Variants in ARHGAP32 observed in about 807,000 individuals in gnomAD.
The protein encoded by ARHGAP32 is Rho GTPase activating protein 32.
In ARHGAP32, 51 loss-of-function variants were observed where a neutral mutation model predicts 186.5. That is an observed-to-expected ratio of 0.27 (90% confidence interval 0.22 to 0.35). The LOEUF (loss-of-function observed/expected upper bound fraction) is 0.35. ARHGAP32 is among the 10% of genes least tolerant of loss of function. The pLI is 1.00. For missense variants in ARHGAP32, 2,186 were observed against 2,623.5 expected, an observed-to-expected ratio of 0.83 and a Z score of 3.64; for synonymous variants, 950 against 964.3, an observed-to-expected ratio of 0.99 and a Z score of 0.27.
At chr11:129,276,369 T>G (rs1421413702) in intron 1 of ARHGAP32, among the ~76,000 whole-genome samples, 1 of 152,204 alleles carries the variant, frequency 6.6e-6, no homozygotes, top group Non-Finnish European at 1.5e-5. Context: ...GGCACAATGA[T>G]AGCTCACTGT....
intron 2 of ARHGAP32, among the ~76,000 whole-genome samples, chr11:129,149,193 C>T (rs1432484303): frequency 6.6e-6 from 1 of 152,142 alleles, no homozygotes; most frequent in Non-Finnish European, 1.5e-5. Flanking sequence ...CTACTTGGGC[C>T]ATAACAGCAA....
chr11:129,105,952 T>TA (rs1014518567), intron 5 of ARHGAP32, among the ~76,000 whole-genome samples: 136 of 152,084 alleles, frequency 8.9e-4, no homozygotes, highest in African/African-American at 3.0e-3. Flanking sequence ...TATAAAGTAT[T>TA]AAAAAAACAA....
intron 11 of ARHGAP32, among the ~76,000 whole-genome samples, chr11:129,002,599 T>C (rs978228925): frequency 2.6e-5 from 4 of 152,268 alleles, no homozygotes; most frequent in African/African-American, 7.2e-5. Flanking sequence ...TCTTTTCTGA[T>C]TGCTCTAGCC....
intron 11 of ARHGAP32, among the ~76,000 whole-genome samples, chr11:129,005,093 A>AT (rs965053704): frequency 6.6e-6 from 1 of 152,098 alleles, no homozygotes; most frequent in Non-Finnish European, 1.5e-5. Flanking sequence ...CCTTATACTC[A>AT]TTTTTAAGCT....
chr11:129,255,882 C>T (rs1945247929), intron 1 of ARHGAP32, among the ~76,000 whole-genome samples: 1 of 151,990 alleles, frequency 6.6e-6, no homozygotes, highest in African/African-American at 2.4e-5. Flanking sequence ...CGTATGTTTA[C>T]CAAAAGATAT....
chr11:129,052,346 A>G (rs1454941498), intron 10 of ARHGAP32, among the ~76,000 whole-genome samples: 3 of 152,122 alleles, frequency 2.0e-5, no homozygotes, highest in African/African-American at 7.2e-5. Context: ...TAGTTCTCCA[A>G]CTTTGTTCTT....
At chr11:129,029,588 G>C (rs947568261) in intron 11 of ARHGAP32, among the ~76,000 whole-genome samples, 1 of 152,040 alleles carries the variant, frequency 6.6e-6, no homozygotes, top group Admixed American at 6.5e-5. Context: ...TGGATCATGA[G>C]GTCAGGAGAT....
rs1938517963 is a variant in ARHGAP32 at position 129,019,776 on chromosome 11, C to A, written c.1045+21152G>T. On this transcript the variant is annotated intron_variant, in intron 11 of 22. Coordinates refer to ENST00000682385, the MANE Select transcript of ARHGAP32 (RefSeq NM_001378024.1). ...AAAAATACATCCTTGAACCAATGAC[C>A]TAGTCATTGAAAGCTTTTATTGTTT... Among the ~76,000 whole-genome samples the A allele has an allele frequency of 1.3e-5, 2 of 151,972 alleles. 1 individual carries two copies. The highest frequency in any genetic ancestry group is 4.1e-4 in the South Asian group (2 of 4,824).
chr11:129,120,017 A>T (rs1446691861), intron 5 of ARHGAP32, among the ~76,000 whole-genome samples: 1 of 152,124 alleles, frequency 6.6e-6, no homozygotes, highest in Non-Finnish European at 1.5e-5. Context: ...GAGAGTTTTT[A>T]AAAAGTGACA....
intron 2 of ARHGAP32, among the ~76,000 whole-genome samples, chr11:129,132,126 A>G (rs1025080824): frequency 3.3e-5 from 5 of 152,032 alleles, no homozygotes; most frequent in African/African-American, 9.7e-5. Flanking sequence ...CATCTTTCTC[A>G]CGAAAGAAAA....
At chr11:129,052,168 C>G (rs2135086772) in intron 10 of ARHGAP32, among the ~76,000 whole-genome samples, 1 of 152,270 alleles carries the variant, frequency 6.6e-6, no homozygotes, top group East Asian at 1.9e-4. Context: ...TACATCTCTT[C>G]ACTGAACTGA....
chr11:129,064,031 CA>C lies in ARHGAP32; in HGVS notation c.763-8del. 6.2e-7 allele frequency: 1 copy of C among 1,600,674 alleles called. No homozygotes were observed. The highest frequency in any genetic ancestry group is 8.5e-7 in the Non-Finnish European group (1 of 1,175,108). Reference sequence around the variant, plus strand: ...GATTTCCCTTATTATCAATCTATCACAAAGAAAATGTACTATGAGATAAAGA... The same window carrying C: ...GATTTCCCTTATTATCAATCTATCACAAGAAAATGTACTATGAGATAAAGA... On this transcript the variant is annotated splice_region_variant and splice_polypyrimidine_tract_variant and intron_variant, in intron 8 of 22. Transcript: ENST00000682385.
exon 1 of ARHGAP32, chr11:129,279,179 T>G: frequency 7.1e-6 from 1 of 140,262 alleles, no homozygotes; most frequent in South Asian, 1.9e-4. Context: ...CGCCGCGGCG[T>G]CCCTGCGCCC....
At chr11:129,037,613 A>T (rs1939404189) in intron 11 of ARHGAP32, among the ~76,000 whole-genome samples, 1 of 151,958 alleles carries the variant, frequency 6.6e-6, no homozygotes, top group African/African-American at 2.4e-5. Flanking sequence ...CAGGTTCAAT[A>T]TACTCTCTAT....
intron 1 of ARHGAP32, among the ~76,000 whole-genome samples, chr11:129,188,998 T>C (rs17639771): frequency 0.29 from 43,695 of 152,092 alleles, 6,600 homozygotes; most frequent in Middle Eastern, 0.4. Flanking sequence ...GAACCTTTCA[T>C]GATTCCTAGG....
intron 1 of ARHGAP32, among the ~76,000 whole-genome samples, chr11:129,263,562 G>A (rs1591384086): frequency 2.6e-5 from 1 of 38,448 alleles, no homozygotes; most frequent in African/African-American, 9.9e-5. Context: ...GCAAAAAAAA[G>A]GAGGAGGAGG....
intron 11 of ARHGAP32, among the ~76,000 whole-genome samples, chr11:129,018,741 T>A (rs1281397752): frequency 6.6e-6 from 1 of 152,158 alleles, no homozygotes; most frequent in South Asian, 2.1e-4. Flanking sequence ...GAGTAATAAC[T>A]CTACAAATCT....
At chr11:129,047,808 G>A (rs999751361) in intron 10 of ARHGAP32, among the ~76,000 whole-genome samples, 3 of 152,164 alleles carry the variant, frequency 2.0e-5, no homozygotes, top group Admixed American at 6.5e-5. Flanking sequence ...CAAATAGACG[G>A]TAAGTCAATG....
chr11:128,973,673 G>T (rs770429951), intron 21 of ARHGAP32: 5 of 559,894 alleles, frequency 8.9e-6, no homozygotes, highest in Non-Finnish European at 1.6e-5. Context: ...ACAGAGATGG[G>T]GGGGAAAAAA....
Sources: allele counts gnomAD v4.1 joint callset (sites outside exome capture counted in the v4.1 genomes callset), GRCh38; gene constraint gnomAD v4.1.1; transcripts MANE v1.5; gene names NCBI Gene and HGNC (gene_info 2026-07-23, HGNC 2026-07-21).